Variants in ABLIM1 observed in about 807,000 individuals in gnomAD.
The protein encoded by ABLIM1 is actin binding LIM protein 1, also known as actin-binding LIM protein 1.
ABLIM1 carries 40 observed loss-of-function variants against 107.0 expected under a neutral mutation model. That is an observed-to-expected ratio of 0.37 (90% CI 0.29 to 0.49). The LOEUF (loss-of-function observed/expected upper bound fraction) is 0.49. ABLIM1 is among the 20% of genes least tolerant of loss of function. The probability of loss-of-function intolerance (pLI) is 0.97; values close to 1 mark genes in which losing one functional copy is unlikely to be tolerated. For missense variants in ABLIM1, 857 were observed against 1,008.5 expected (o/e 0.85, Z 2.04); for synonymous variants, 357 against 357.3 (o/e 1.00, Z 0.01).
chr10:114,592,559 T>C (rs1333357222), intron 2 of ABLIM1, among the ~76,000 whole-genome samples: 15 of 152,082 alleles, frequency 9.9e-5, no homozygotes, highest in Admixed American at 9.8e-4. Flanking sequence ...AGCTGTTGCA[T>C]TGAAAATAAA....
rs539046137 is a variant in ABLIM1 at position 114,654,950 on chromosome 10, T to C, written c.244+3007A>G. Among the ~76,000 whole-genome samples, 5 of 152,292 alleles carry C rather than the reference T, an allele frequency of 3.3e-5. No individual in the cohort carries two copies. In the South Asian group the frequency reaches 6.2e-4, roughly 19 times the overall value. On this transcript the variant is annotated intron_variant, in intron 1 of 22. Coordinates refer to ENST00000533213, the MANE Select transcript of ABLIM1 (RefSeq NM_002313.7). ...TTCCTCAGGCTGGTGTGGCATTTCT[T>C]TCCCAAGACTGAAACAGATTGAGCT...
intron 1 of ABLIM1, among the ~76,000 whole-genome samples, chr10:114,602,619 C>A (rs1427179246): frequency 6.6e-6 from 1 of 152,208 alleles, no homozygotes; most frequent in African/African-American, 2.4e-5. Context: ...GATACACACA[C>A]TGCAGGCAGT....
chr10:114,436,096 G>T lies in ABLIM1; in HGVS notation c.*164C>A. The T allele has an allele frequency of 1.7e-6, 1 of 596,708 alleles. No homozygotes were observed. Among genetic ancestry groups the T allele is most frequent in the Non-Finnish European group, 3.0e-6 (1 of 334,524 alleles). 37.0% of individuals were successfully genotyped at this position (596,708 alleles called of 1,614,324 possible). A position where few individuals can be genotyped will look rare whatever the true frequency, so the allele number is the denominator to read the frequency against. Reference sequence around the variant, plus strand: ...TTCTTGGCAAGTGTTACTGTTGGCTGGCCCGACATTTGACTCATGGTGTTT... The same window carrying T: ...TTCTTGGCAAGTGTTACTGTTGGCTTGCCCGACATTTGACTCATGGTGTTT... On this transcript the variant is annotated 3_prime_UTR_variant, in exon 23 of 23. Transcript: ENST00000533213.
upstream of ABLIM1, among the ~76,000 whole-genome samples, chr10:114,772,470 G>A (rs1230226471): frequency 6.6e-6 from 1 of 151,960 alleles, no homozygotes; most frequent in Non-Finnish European, 1.5e-5. Context: ...AGCCAGGTGT[G>A]GTGGCTTGTG....
intron 1 of ABLIM1, among the ~76,000 whole-genome samples, chr10:114,692,430 A>G (rs1052925221): frequency 1.3e-5 from 2 of 152,204 alleles, no homozygotes; most frequent in Non-Finnish European, 2.9e-5. Flanking sequence ...ACATCACAAC[A>G]TTATAGAGCT....
intron 1 of ABLIM1, among the ~76,000 whole-genome samples, chr10:114,621,855 A>G (rs1358253920): frequency 6.6e-6 from 1 of 152,242 alleles, no homozygotes; most frequent in African/African-American, 2.4e-5. Flanking sequence ...GCCCTTCGCT[A>G]TGGCTCATTG....
At chr10:114,439,620 CT>C (rs2059915233) in intron 20 of ABLIM1, 1 of 372,892 alleles carries the variant, frequency 2.7e-6, no homozygotes, top group Non-Finnish European at 4.9e-6. Context: ...ACATTTCTTT[CT>C]TTCTTTTTTT....
chr10:114,634,182 G>C (rs2078354492), intron 1 of ABLIM1, among the ~76,000 whole-genome samples: 1 of 111,504 alleles, frequency 9.0e-6, no homozygotes, highest in South Asian at 3.6e-4. Context: ...GCCCAGGCTG[G>C]AGTGCAGTGG....
intron 1 of ABLIM1, among the ~76,000 whole-genome samples, chr10:114,704,849 G>A (rs757453155): frequency 1.3e-5 from 2 of 152,108 alleles, no homozygotes; most frequent in Non-Finnish European, 2.9e-5. Context: ...CAACTTCAGC[G>A]CATTCTGATT....
rs2078059123 is a variant in ABLIM1, at chr10:114,629,880, CCT to C, written c.245-27921_245-27920del. Among the ~76,000 whole-genome samples the C allele has an allele frequency of 6.6e-6, 1 of 151,984 alleles. No individual in the cohort carries two copies. Among genetic ancestry groups the C allele is most frequent in the African/African-American group, 2.4e-5 (1 of 41,422 alleles). On this transcript the variant is annotated intron_variant, in intron 1 of 22. Coordinates refer to ENST00000533213, the MANE Select transcript of ABLIM1 (RefSeq NM_002313.7). The surrounding 1 kb of genome is among the most constrained non-coding windows in gnomAD (Gnocchi z 4.0). Reference sequence around the variant, plus strand: ...CAAAAATGAAACGAAACGAAACAAACCTGCCTTTCTCTGTTGATGGCTGAGGT... The same window carrying C: ...CAAAAATGAAACGAAACGAAACAAACGCCTTTCTCTGTTGATGGCTGAGGT...
In ABLIM1 at chr10:114,436,291, T is replaced by C; in HGVS notation, c.2306A>G (p.Asn769Ser). The C allele has an allele frequency of 6.2e-7, 1 of 1,614,044 alleles. No individual in the cohort carries two copies. Residue 769 changes from asparagine to serine, a missense_variant, in exon 23 of 23, where the codon AAC becomes AGC. Around this residue, in one of 5 missense-constraint regions of ABLIM1, gnomAD observed 193 missense variants for 208.5 expected, o/e 0.93. Transcript: ENST00000533213. ...GAGTTTTGCTTTTTTCTTCATGTCGTTGCGTCTCCAAAGAGGTAACCTGTC... is the reference window on the plus strand; with the variant it reads ...GAGTTTTGCTTTTTTCTTCATGTCGCTGCGTCTCCAAAGAGGTAACCTGTC... ...EFDRLPLWRR[N>S]DMKKKAKLF
In ABLIM1 at chr10:114,624,219, T is replaced by C. The variant is rs368033887; in HGVS notation, c.245-22258A>G. Among the ~76,000 whole-genome samples the C allele has an allele frequency of 3.9e-5, 6 of 152,326 alleles. No homozygotes were observed. The South Asian group carries it at 1.2e-3, about 32-fold the overall frequency. ...TGAACCTTCTGAAAAGTTCTCTGGCTCTTTAATGCTGGCTCAGGAAAACAC... is the reference window on the plus strand; with the variant it reads ...TGAACCTTCTGAAAAGTTCTCTGGCCCTTTAATGCTGGCTCAGGAAAACAC... On this transcript the variant is annotated intron_variant, in intron 1 of 22. Transcript: ENST00000533213.
At chr10:114,544,934 C>T (rs2067129627) in intron 6 of ABLIM1, 71 bp downstream of exon 6, 4 of 1,379,944 alleles carry the variant, frequency 2.9e-6, no homozygotes, top group East Asian at 4.6e-5. Flanking sequence ...GGAAAGGGTC[C>T]CCTCTTGTTT....
At chr10:114,561,894 A>G (rs180781713) in intron 4 of ABLIM1, among the ~76,000 whole-genome samples, 4 of 152,200 alleles carry the variant, frequency 2.6e-5, no homozygotes, top group African/African-American at 9.6e-5. Context: ...CTTTCTTGAA[A>G]CTTAGATAAT....
intron 1 of ABLIM1, among the ~76,000 whole-genome samples, chr10:114,664,167 G>C (rs1566201311): frequency 6.6e-6 from 1 of 152,158 alleles, no homozygotes; most frequent in Non-Finnish European, 1.5e-5. Context: ...AACTCCTGTA[G>C]TTTATGGTCA....
At chr10:114,663,776 G>A (rs1591772730) in intron 1 of ABLIM1, among the ~76,000 whole-genome samples, 1 of 152,212 alleles carries the variant, frequency 6.6e-6, no homozygotes. Context: ...GGCTGTCCTT[G>A]CTGGTGGGAT....
chr10:114,648,490 A>G (rs1466797382), intron 1 of ABLIM1, among the ~76,000 whole-genome samples: 1 of 152,112 alleles, frequency 6.6e-6, no homozygotes, highest in African/African-American at 2.4e-5. Flanking sequence ...ACCCACAAAC[A>G]CCTAAAGGAG....
chr10:114,543,856 C>T (rs1430477750), intron 6 of ABLIM1, among the ~76,000 whole-genome samples: 1 of 152,244 alleles, frequency 6.6e-6, no homozygotes, highest in African/African-American at 2.4e-5. Flanking sequence ...TCCCAGAACC[C>T]TCTTCCTCGG....
intron 4 of ABLIM1, among the ~76,000 whole-genome samples, chr10:114,562,326 G>A (rs890923818): frequency 2.0e-5 from 3 of 152,074 alleles, no homozygotes; most frequent in South Asian, 2.1e-4. Context: ...TCAGGAGATC[G>A]AGACCATCCT....
Sources: gnomAD v4.1 joint callset for allele counts (sites outside exome capture counted in the v4.1 genomes callset) on GRCh38, gnomAD v4.1.1 for gene constraint, gnomAD v4.1.1 regional missense constraint, Gnocchi (gnomAD v3.1) non-coding constraint, MANE v1.5 for transcripts, NCBI Gene and HGNC (gene_info 2026-07-23, HGNC 2026-07-21) for gene names.